Variants in PTPRD observed in about 807,000 individuals in gnomAD.
PTPRD encodes the protein receptor-type tyrosine-protein phosphatase delta.
PTPRD carries 34 observed loss-of-function variants against 214.5 expected under a neutral mutation model. The ratio of observed to expected loss-of-function variants is 0.16; its 90% CI spans 0.12 to 0.21. PTPRD has a LOEUF of 0.21. Among genes scored for constraint, PTPRD ranks in the 10% least tolerant of loss-of-function variants. PTPRD has a pLI of 1.00. For missense variants in PTPRD, 2,545 were observed against 2,398.7 expected, an observed-to-expected ratio of 1.06 and a Z score of -1.27; for synonymous variants, 1,128 against 845.7, an observed-to-expected ratio of 1.33 and a Z score of -5.79.
At chr9:10,006,890 A>AT (rs1426251321) in intron 4 of PTPRD, among the ~76,000 whole-genome samples, 1 of 151,968 alleles carries the variant, frequency 6.6e-6, no homozygotes, top group African/African-American at 2.4e-5. Context: ...GACATTTTAC[A>AT]TTTTGACTTT....
At chr9:9,468,108 C>A (rs1336695604) in intron 8 of PTPRD, among the ~76,000 whole-genome samples, 1 of 152,060 alleles carries the variant, frequency 6.6e-6, no homozygotes, top group Non-Finnish European at 1.5e-5. Context: ...TCCTACTAGA[C>A]CTACTGTTAG....
chr9:9,584,746 C>T (rs184340095), intron 7 of PTPRD, among the ~76,000 whole-genome samples: 1,935 of 151,952 alleles, frequency 0.013, 18 homozygotes, highest in Non-Finnish European at 0.016. Flanking sequence ...TATGCTTTTT[C>T]TAATGACAAC....
In PTPRD at chr9:10,559,690, A is replaced by C. The variant is rs925390646; in HGVS notation, c.-600+52708T>G. On this transcript the variant is annotated intron_variant, in intron 2 of 45. Coordinates refer to ENST00000381196, the MANE Select transcript of PTPRD (RefSeq NM_002839.4). The stretch of plus-strand genomic sequence containing the variant: ...AAAGGGCTAATATCCAGAATCTACA[A>C]TGAACTCAAACAAATTCAGAAGAAA... Among the ~76,000 whole-genome samples, 7 of 152,178 alleles carry C rather than the reference A, an allele frequency of 4.6e-5. No homozygotes were observed. The East Asian group carries it at 1.2e-3, about 25-fold the overall frequency.
intron 12 of PTPRD, among the ~76,000 whole-genome samples, chr9:8,721,116 A>G (rs1417015702): frequency 6.6e-6 from 1 of 151,824 alleles, no homozygotes; most frequent in Non-Finnish European, 1.5e-5. Flanking sequence ...TTCAGGAACA[A>G]ATGAGATTAA....
chr9:9,024,796 A>G (rs1186175803), intron 10 of PTPRD, among the ~76,000 whole-genome samples: 2 of 151,828 alleles, frequency 1.3e-5, no homozygotes, highest in Non-Finnish European at 2.9e-5. Flanking sequence ...AACTTTTTAT[A>G]TATTAAGGAT....
intron 5 of PTPRD, among the ~76,000 whole-genome samples, chr9:9,864,360 G>T (rs1316284541): frequency 6.6e-6 from 1 of 151,662 alleles, no homozygotes; most frequent in Non-Finnish European, 1.5e-5. Context: ...GGGATATACA[G>T]ATATAGCTAT....
intron 8 of PTPRD, among the ~76,000 whole-genome samples, chr9:9,436,694 C>T (rs145944212): frequency 5.4e-4 from 82 of 151,678 alleles, no homozygotes; most frequent in African/African-American, 1.9e-3. Context: ...AATCTCTCTA[C>T]ATGAAGGAAG....
chr9:9,277,895 A>T (rs1595039640), intron 9 of PTPRD, among the ~76,000 whole-genome samples: 1 of 151,554 alleles, frequency 6.6e-6, no homozygotes, highest in East Asian at 2.0e-4. Context: ...AGAAATGCTA[A>T]TAACACATTC....
At chr9:8,596,122 G>C (rs1352921436) in intron 14 of PTPRD, among the ~76,000 whole-genome samples, 1 of 152,032 alleles carries the variant, frequency 6.6e-6, no homozygotes, top group African/African-American at 2.4e-5. Flanking sequence ...AGAATTCATA[G>C]TAATGCAGGG....
At chr9:8,571,023 C>A (rs2090981677) in intron 14 of PTPRD, among the ~76,000 whole-genome samples, 1 of 151,880 alleles carries the variant, frequency 6.6e-6, no homozygotes, top group Non-Finnish European at 1.5e-5. Context: ...ATAAAAGCAC[C>A]AAGCTCTCAC....
intron 8 of PTPRD, among the ~76,000 whole-genome samples, chr9:9,516,288 A>C (rs910218207): frequency 3.9e-5 from 6 of 152,056 alleles, no homozygotes; most frequent in Non-Finnish European, 7.4e-5. Flanking sequence ...AACATATTGT[A>C]ATGGGAGCAG....
At chr9:9,343,935 C>T (rs2047817891) in intron 9 of PTPRD, among the ~76,000 whole-genome samples, 1 of 152,090 alleles carries the variant, frequency 6.6e-6, no homozygotes, top group Non-Finnish European at 1.5e-5. Context: ...GGAAGCACTC[C>T]AACTTTCTTT....
At chr9:9,464,936 C>T (rs2094007208) in intron 8 of PTPRD, among the ~76,000 whole-genome samples, 1 of 152,090 alleles carries the variant, frequency 6.6e-6, no homozygotes, top group Admixed American at 6.6e-5. Context: ...GTGCATGAAA[C>T]CTCATGTGCT....
intron 3 of PTPRD, among the ~76,000 whole-genome samples, chr9:10,132,800 T>C (rs747966475): frequency 6.6e-6 from 1 of 152,158 alleles, no homozygotes; most frequent in Non-Finnish European, 1.5e-5. Context: ...ACAAGTGATA[T>C]ATTGAGGCCC....
intron 44 of PTPRD, among the ~76,000 whole-genome samples, chr9:8,330,263 C>A (rs765572961): frequency 1.8e-4 from 27 of 152,230 alleles, no homozygotes; most frequent in Non-Finnish European, 3.2e-4. Flanking sequence ...CCCCTGCCTT[C>A]TGTGTCAATC....
chr9:8,327,548 A>C (rs532898862), intron 44 of PTPRD, among the ~76,000 whole-genome samples: 3 of 152,150 alleles, frequency 2.0e-5, no homozygotes, highest in Non-Finnish European at 4.4e-5. Flanking sequence ...GTGTATTATT[A>C]GGTCTGCTTG....
intron 3 of PTPRD, among the ~76,000 whole-genome samples, chr9:10,323,983 A>G (rs997236642): frequency 1.2e-4 from 18 of 152,102 alleles, no homozygotes; most frequent in Non-Finnish European, 2.1e-4. Flanking sequence ...GAAATTAAAA[A>G]TAAATTGGAT....
At chr9:8,614,526 T>A (rs1564729028) in intron 14 of PTPRD, among the ~76,000 whole-genome samples, 1 of 152,152 alleles carries the variant, frequency 6.6e-6, no homozygotes, top group Admixed American at 6.5e-5. Flanking sequence ...GAGAAGATAA[T>A]CACTTAAGTA....
intron 12 of PTPRD, among the ~76,000 whole-genome samples, chr9:8,699,561 A>C (rs2098023009): frequency 6.6e-6 from 1 of 152,178 alleles, no homozygotes; most frequent in African/African-American, 2.4e-5. Flanking sequence ...ATTTTATGAA[A>C]ACATGTTGAA....
Sources: gnomAD v4.1 joint callset for allele counts (sites outside exome capture counted in the v4.1 genomes callset) on GRCh38, gnomAD v4.1.1 for gene constraint, MANE v1.5 for transcripts, NCBI Gene and HGNC (gene_info 2026-07-23, HGNC 2026-07-21) for gene names.